STPG2: variants seen among roughly 807,000 people sequenced by gnomAD.
STPG2 encodes sperm tail PG-rich repeat containing 2.
A neutral mutation model predicts 54.2 loss-of-function variants in STPG2; 56 were observed. The observed-to-expected ratio is 1.03, with a 90% CI of 0.83 to 1.29. The LOEUF (loss-of-function observed/expected upper bound fraction) is 1.29, where lower values mean the gene tolerates loss of function less well. Among genes scored for constraint, STPG2 ranks in the 50% most tolerant of loss-of-function variants. The probability of loss-of-function intolerance (pLI) is 0.00; values close to 1 mark genes in which losing one functional copy is unlikely to be tolerated. For missense variants in STPG2, 596 were observed against 544.9 expected (o/e 1.09, Z -0.93); for synonymous variants, 200 against 181.8 (o/e 1.10, Z -0.81).
At chr4:97,772,055 T>C (rs1726237473) in intron 9 of STPG2, among the ~76,000 whole-genome samples, 1 of 152,176 alleles carries the variant, frequency 6.6e-6, no homozygotes, top group African/African-American at 2.4e-5. Context: ...CCTCCTGAAA[T>C]GTCCCTTCAG....
intron 4 of STPG2, among the ~76,000 whole-genome samples, chr4:97,482,121 G>A (rs1730237432): frequency 6.6e-6 from 1 of 150,868 alleles, no homozygotes; most frequent in Admixed American, 6.6e-5. Flanking sequence ...CTATGACTAT[G>A]GTAAATTACA....
At chr4:97,883,248 CTTG>C (rs1251916252) in intron 8 of STPG2, among the ~76,000 whole-genome samples, 2 of 150,510 alleles carry the variant, frequency 1.3e-5, no homozygotes, top group Admixed American at 6.6e-5. Context: ...ATTAACTGGC[CTTG>C]TTGGTGTGCT....
chr4:97,859,361 A>C (rs563220953), intron 8 of STPG2, among the ~76,000 whole-genome samples: 15 of 151,680 alleles, frequency 9.9e-5, no homozygotes, highest in African/African-American at 3.6e-4. Context: ...TGGGATGTAC[A>C]TTTACTCTGC....
chr4:97,971,916 T>C (rs1411991848), intron 7 of STPG2, among the ~76,000 whole-genome samples: 2 of 152,248 alleles, frequency 1.3e-5, no homozygotes, highest in African/African-American at 4.8e-5. Context: ...GTCTGGTTTA[T>C]TCTCCCTAAG....
intron 4 of STPG2, among the ~76,000 whole-genome samples, chr4:97,448,312 C>A (rs773642486): frequency 6.6e-6 from 1 of 152,088 alleles, no homozygotes. Flanking sequence ...GTTGGGAAGG[C>A]ATGATTTGTT....
At chr4:97,728,357 T>C (rs1054171203) in intron 9 of STPG2, among the ~76,000 whole-genome samples, 2 of 152,096 alleles carry the variant, frequency 1.3e-5, no homozygotes, top group African/African-American at 4.8e-5. Flanking sequence ...TAAGTATTAG[T>C]AAAAAGACCT....
At chr4:97,834,981 G>A (rs1728588151) in intron 9 of STPG2, among the ~76,000 whole-genome samples, 1 of 152,026 alleles carries the variant, frequency 6.6e-6, no homozygotes, top group African/African-American at 2.4e-5. Flanking sequence ...AAAGGGAGGG[G>A]GATAATGTCA....
At chr4:97,485,887 C>T (rs957352185) in intron 4 of STPG2, among the ~76,000 whole-genome samples, 2 of 151,734 alleles carry the variant, frequency 1.3e-5, no homozygotes, top group South Asian at 4.1e-4. Context: ...GAAATAAACC[C>T]AAATACTTAC....
At chr4:98,074,071 G>A (rs759277924) in intron 5 of STPG2, among the ~76,000 whole-genome samples, 13 of 152,038 alleles carry the variant, frequency 8.6e-5, no homozygotes, top group South Asian at 4.1e-4. Context: ...TTCAGTTCCC[G>A]CTGAAAACAA....
At chr4:97,951,289 T>C (rs1314069456) in intron 7 of STPG2, among the ~76,000 whole-genome samples, 1 of 152,170 alleles carries the variant, frequency 6.6e-6, no homozygotes, top group African/African-American at 2.4e-5. Flanking sequence ...ATTTTCTCTA[T>C]TGCAGTTCCC....
chr4:97,533,947 TATA>T lies in STPG2; in HGVS notation c.462+178749_462+178751del, dbSNP rs1376303531. On this transcript the variant is annotated intron_variant, in intron 4 of 4. Coordinates refer to the STPG2 transcript ENST00000522676. ...GACTTGAAATGCAATTGTTAGGTTA[TATA>T]ATAAGTATTTTTTATTAAGTAGAAA... Among the ~76,000 whole-genome samples, 34 of 152,196 alleles carry T rather than the reference TATA, an allele frequency of 2.2e-4. 1 individual carries two copies. Among genetic ancestry groups the T allele is most frequent in the African/African-American group, 7.5e-4 (31 of 41,546 alleles).
At chr4:97,860,955 A>G (rs911277368) in intron 8 of STPG2, among the ~76,000 whole-genome samples, 1 of 152,130 alleles carries the variant, frequency 6.6e-6, no homozygotes, top group African/African-American at 2.4e-5. Context: ...CTTGAGTAAT[A>G]CCCTACAAGC....
At chr4:97,920,789 A>T (rs909169717) in intron 8 of STPG2, among the ~76,000 whole-genome samples, 7 of 152,196 alleles carry the variant, frequency 4.6e-5, no homozygotes, top group Admixed American at 2.0e-4. Flanking sequence ...GGACTGTGGC[A>T]ACTATGCATA....
intron 8 of STPG2, among the ~76,000 whole-genome samples, chr4:97,924,706 C>T (rs1375405758): frequency 1.3e-5 from 2 of 152,056 alleles, no homozygotes; most frequent in African/African-American, 4.8e-5. Flanking sequence ...ATGTTTTATT[C>T]GTCATAAATT....
At chr4:97,558,623 C>G (rs1220280338), downstream of STPG2, among the ~76,000 whole-genome samples, 1 of 152,140 alleles carries the variant, frequency 6.6e-6, no homozygotes, top group East Asian at 1.9e-4. Context: ...AGTCTGACAG[C>G]CCGTGTGGAG....
chr4:98,099,336 A>G (rs1313315943), intron 5 of STPG2, among the ~76,000 whole-genome samples: 1 of 152,214 alleles, frequency 6.6e-6, no homozygotes, highest in African/African-American at 2.4e-5. Flanking sequence ...ACTGGAGGTC[A>G]TTATGTTAAC....
intron 4 of STPG2, among the ~76,000 whole-genome samples, chr4:97,471,231 C>T (rs1016838251): frequency 2.6e-5 from 4 of 152,174 alleles, no homozygotes; most frequent in African/African-American, 4.8e-5. Context: ...CTGCAGAAAA[C>T]GTAACCACAG....
intron 8 of STPG2, among the ~76,000 whole-genome samples, chr4:97,876,381 A>G (rs1305034044): frequency 6.6e-6 from 1 of 152,094 alleles, no homozygotes; most frequent in Non-Finnish European, 1.5e-5. Context: ...TCAGATTTTA[A>G]AAGTCTACTT....
intron 9 of STPG2, among the ~76,000 whole-genome samples, chr4:97,726,684 T>C (rs951271362): frequency 3.3e-5 from 5 of 151,884 alleles, no homozygotes; most frequent in African/African-American, 9.7e-5. Flanking sequence ...CATCACTGAG[T>C]AATTTTTAAA....
Sources: gnomAD v4.1 joint callset for allele counts (sites outside exome capture counted in the v4.1 genomes callset) on GRCh38, gnomAD v4.1.1 for gene constraint, MANE v1.5 for transcripts, NCBI Gene and HGNC (gene_info 2026-07-23, HGNC 2026-07-21) for gene names.